FAAP100: variants seen among roughly 807,000 people sequenced by gnomAD.
FAAP100 encodes the protein Fanconi anemia core complex-associated protein 100.
A neutral mutation model predicts 65.8 loss-of-function variants in FAAP100; 46 were observed. That is an observed-to-expected ratio of 0.70 (90% CI 0.55 to 0.89). The LOEUF is 0.89. FAAP100 is among the 40% of genes least tolerant of loss of function. The pLI is 0.00. For synonymous variants in FAAP100, 663 were observed against 555.1 expected (o/e 1.19, Z -2.73); for missense variants, 1,165 against 1,196.7 (o/e 0.97, Z 0.39).
chr17:81,540,715 C>T lies in FAAP100; in HGVS notation c.*104G>A, dbSNP rs564610053. 2.8e-5 allele frequency: 38 copies of T among 1,361,806 alleles called. No individual in the cohort carries two copies. The highest frequency in any genetic ancestry group is 2.1e-4 in the East Asian group (8 of 37,652). The allele number at this position is 1,361,806 out of a possible 1,614,324, so 84.4% of individuals were successfully genotyped here. On this transcript the variant is annotated 3_prime_UTR_variant, in exon 9 of 9. Coordinates refer to ENST00000327787, the MANE Select transcript of FAAP100 (RefSeq NM_025161.6). ...CGTGGCCAGGTCCTACCTTCCCTGA[C>T]GGCTCTGGCCAGGCCAGCTCGGTTT...
At chr17:81,545,645 A>G in intron 6 of FAAP100, 101 bp downstream of exon 6, 1 of 1,422,620 alleles carries the variant, frequency 7.0e-7, no homozygotes, top group Non-Finnish European at 9.4e-7. Context: ...AAAGGCTGCC[A>G]GGCCCCCACC....
chr17:81,552,448 G>A (rs965025225), upstream of FAAP100: 11 of 1,003,592 alleles, frequency 1.1e-5, no homozygotes, highest in African/African-American at 1.0e-4. Flanking sequence ...GGTCGGCGGT[G>A]CCGGGGGCGG....
At chr17:81,543,594 G>T (rs900476484) in intron 7 of FAAP100, among the ~76,000 whole-genome samples, 3 of 152,162 alleles carry the variant, frequency 2.0e-5, no homozygotes, top group Non-Finnish European at 4.4e-5. Context: ...TCTTGGCAAA[G>T]ATGTGGAGGC....
rs958454139 is a variant in FAAP100 at position 81,551,849 on chromosome 17, A to G, written c.290+79T>C. The G allele has an allele frequency of 2.1e-6, 3 of 1,412,590 alleles. No homozygotes were observed. In the African/African-American group the frequency reaches 4.5e-5, roughly 21 times the overall value. The allele number at this position is 1,412,590 out of a possible 1,614,324, so 87.5% of individuals were successfully genotyped here. On this transcript the variant is annotated intron_variant, in intron 2 of 8. Transcript: ENST00000327787. ...GCGGCAGCCCGGGTCCCCAAGCGCGATGAGGTGGGGCTGCTCGCTCTGAAG... is the reference window on the plus strand; with the variant it reads ...GCGGCAGCCCGGGTCCCCAAGCGCGGTGAGGTGGGGCTGCTCGCTCTGAAG...
chr17:81,542,977 A>G (rs2143934520), intron 7 of FAAP100, among the ~76,000 whole-genome samples: 1 of 152,328 alleles, frequency 6.6e-6, no homozygotes, highest in Non-Finnish European at 1.5e-5. Flanking sequence ...AAGCCCAGGC[A>G]GCCCCATCGT....
At position 81,547,486 on chromosome 17, in the gene FAAP100, G is replaced by A. The variant is rs1418086597; in HGVS notation, c.1596C>T (p.Ser532=). 6.2e-7 allele frequency: 1 copy of A among 1,613,390 alleles called. No homozygotes were observed. Among genetic ancestry groups the A allele is most frequent in the Non-Finnish European group, 8.5e-7 (1 of 1,180,036 alleles). The change falls in exon 5 of 9, where the codon AGC becomes AGT. Residue 532 remains serine, a synonymous_variant. Coordinates refer to ENST00000327787, the MANE Select transcript of FAAP100 (RefSeq NM_025161.6). ...ACCCCTGGTCCAGGCTGAAGCTGCTGCTGTTCTCTAGCACGCAGGTGGCCA... is the reference window on the plus strand; with the variant it reads ...ACCCCTGGTCCAGGCTGAAGCTGCTACTGTTCTCTAGCACGCAGGTGGCCA... The part of the protein sequence containing the change: ...VLMATCVLEN[S]SSFSLDQGWT...
Position 81,551,756 on chromosome 17 carries a change from C to T in FAAP100, c.290+172G>A, listed in dbSNP as rs1348229424. 3.7e-6 allele frequency: 5 copies of T among 1,366,192 alleles called. No homozygotes were observed. In the African/African-American group the frequency reaches 6.1e-5, roughly 17 times the overall value. 84.6% of individuals were successfully genotyped at this position (1,366,192 alleles called of 1,614,324 possible). A position where few individuals can be genotyped will look rare whatever the true frequency, so the allele number is the denominator to read the frequency against. On this transcript the variant is annotated intron_variant, in intron 2 of 8. Coordinates refer to ENST00000327787, the MANE Select transcript of FAAP100 (RefSeq NM_025161.6). The stretch of plus-strand genomic sequence containing the variant: ...CTAAGGACTGTGAGCAAGACACTTG[C>T]AGAAAGAGTGCTGGGGGCAGGGGCT...
At chr17:81,541,066 A>C (rs1172492768) in intron 8 of FAAP100, 116 bp from the exon 9 acceptor site, 13 of 1,334,864 alleles carry the variant, frequency 9.7e-6, no homozygotes, top group Non-Finnish European at 1.3e-5. Flanking sequence ...AGGTGGTCCG[A>C]GGAAGAACAC....
chr17:81,548,116 C>T (rs771535690), intron 4 of FAAP100: 40 of 614,328 alleles, frequency 6.5e-5, no homozygotes, highest in South Asian at 2.8e-4. Context: ...GGGTCGCAGG[C>T]GCTACAGAAA....
chr17:81,553,123 C>A, upstream of FAAP100: 1 of 170,560 alleles, frequency 5.9e-6, no homozygotes, highest in Non-Finnish European at 1.3e-5. Flanking sequence ...GCTCCATGCC[C>A]GGAAGAGAGC....
upstream of FAAP100, chr17:81,552,476 G>A (rs2033535338): frequency 4.1e-6 from 3 of 725,596 alleles, no homozygotes; most frequent in East Asian, 1.1e-4. Flanking sequence ...AGGACGCGCT[G>A]CAGGGACTCC....
Position 81,539,898 on chromosome 17 carries a change from A to G in FAAP100, c.*921T>C. The G allele has an allele frequency of 2.5e-6, 1 of 398,814 alleles. No homozygotes were observed. 24.7% of individuals were successfully genotyped at this position (398,814 alleles called of 1,614,324 possible). A position where few individuals can be genotyped will look rare whatever the true frequency, so the allele number is the denominator to read the frequency against. On this transcript the variant is annotated 3_prime_UTR_variant, in exon 9 of 9. Coordinates refer to ENST00000327787, the MANE Select transcript of FAAP100 (RefSeq NM_025161.6). ...ACAGCCGAGGCCTGAAGGTTCACGG[A>G]CAGACAGGGTCGTTTGTCACAGCAG...
chr17:81,542,812 T>G (rs76783795), intron 7 of FAAP100, among the ~76,000 whole-genome samples: 2,809 of 152,264 alleles, frequency 0.018, 81 homozygotes, highest in African/African-American at 0.064. Flanking sequence ...AAAAGGGATA[T>G]CTGGACACAA....
At chr17:81,546,410 G>A (rs896224223) in intron 5 of FAAP100, 4 of 160,876 alleles carry the variant, frequency 2.5e-5, no homozygotes, top group South Asian at 4.0e-4. Context: ...CCTGATGAAC[G>A]GTGCTGGGGC....
chr17:81,545,886 G>C lies in FAAP100; in HGVS notation c.2174-4C>G. On this transcript the variant is annotated splice_region_variant and splice_polypyrimidine_tract_variant and intron_variant, in intron 5 of 8. Transcript: ENST00000327787. ...GTGGCACAGCACAGGGGCACGCCTG[G>C]AGGGGAGGCATCAGCCGAGAGCTCA... 1 of 1,604,112 alleles carries C rather than the reference G, an allele frequency of 6.2e-7. No individual in the cohort carries two copies.
intron 6 of FAAP100, among the ~76,000 whole-genome samples, chr17:81,545,412 G>A (rs1256857306): frequency 6.6e-6 from 1 of 152,262 alleles, no homozygotes; most frequent in Non-Finnish European, 1.5e-5. Context: ...TGGCAGTGCA[G>A]AGGGTTAGCG....
chr17:81,540,654 C>T lies in FAAP100; in HGVS notation c.*165G>A, dbSNP rs556555421. 2.4e-5 allele frequency: 23 copies of T among 944,074 alleles called. No homozygotes were observed. Among genetic ancestry groups the T allele is most frequent in the South Asian group, 7.2e-5 (3 of 41,464 alleles). The allele number at this position is 944,074 out of a possible 1,614,324, so 58.5% of individuals were successfully genotyped here. ...CAATCAGAATCTGCTTTGTGCTCCA[C>T]GGCCTCCAAGCACTTTCATGAGCGT... On this transcript the variant is annotated 3_prime_UTR_variant, in exon 9 of 9. Coordinates refer to ENST00000327787, the MANE Select transcript of FAAP100 (RefSeq NM_025161.6).
At chr17:81,552,565 G>A (rs746929772), upstream of FAAP100, among the ~76,000 whole-genome samples, 2 of 152,204 alleles carry the variant, frequency 1.3e-5, no homozygotes, top group Non-Finnish European at 2.9e-5. Flanking sequence ...CGCAGGTCGA[G>A]GTTGACCCGG....
chr17:81,543,783 G>A (rs1031265507), intron 7 of FAAP100, among the ~76,000 whole-genome samples: 6 of 152,140 alleles, frequency 3.9e-5, no homozygotes, highest in Non-Finnish European at 5.9e-5. Context: ...CGGCACACCT[G>A]GGGAGCAGCA....
Sources: allele counts gnomAD v4.1 joint callset (sites outside exome capture counted in the v4.1 genomes callset), GRCh38; gene constraint gnomAD v4.1.1; transcripts MANE v1.5; gene names NCBI Gene and HGNC (gene_info 2026-07-23, HGNC 2026-07-21).